Variants in FGD6 observed in about 807,000 individuals in gnomAD.
FGD6 encodes the protein FYVE, RhoGEF and PH domain-containing protein 6.
In FGD6, 90 loss-of-function variants were observed where a neutral mutation model predicts 149.4. The ratio of observed to expected loss-of-function variants is 0.60; its 90% CI spans 0.51 to 0.72. The LOEUF (loss-of-function observed/expected upper bound fraction) is 0.72, where lower values mean the gene tolerates loss of function less well. Among genes scored for constraint, FGD6 ranks in the 30% least tolerant of loss-of-function variants. FGD6 has a pLI of 0.00. For synonymous variants in FGD6, 527 were observed against 584.0 expected (o/e 0.90, Z 1.41); for missense variants, 1,437 against 1,684.8 (o/e 0.85, Z 2.57).
At chr12:95,107,119 GATAA>G (rs776530738) in intron 12 of FGD6, 82 bp from the exon 13 acceptor site, 589 of 980,832 alleles carry the variant, frequency 6.0e-4, no homozygotes, top group Non-Finnish European at 8.4e-4. Context: ...AAGATTAAAG[GATAA>G]ATAATACCTC....
chr12:95,157,395 C>T (rs544874202), intron 3 of FGD6, among the ~76,000 whole-genome samples: 36 of 151,848 alleles, frequency 2.4e-4, no homozygotes, highest in African/African-American at 7.5e-4. Flanking sequence ...GGTGAAACCC[C>T]GTCTCTACTA....
chr12:95,143,014 A>G (rs570335647), intron 5 of FGD6, among the ~76,000 whole-genome samples: 77 of 152,346 alleles, frequency 5.1e-4, no homozygotes, highest in Non-Finnish European at 9.8e-4. Context: ...GCCTCAAGAT[A>G]TAAGTAAAAC....
Position 95,079,803 on chromosome 12 carries a change from TCAAAAGGCCCC to T in FGD6, c.*1706_*1716del, listed in dbSNP as rs1460651036. On this transcript the variant is annotated 3_prime_UTR_variant, in exon 21 of 21. Transcript: ENST00000343958. ...ACTCTGGTGCTGTACCAAACAGCAT[TCAAAAGGCCCC>T]AGAAAGGCACTCAGTAATCCTCATG... 1 of 152,084 alleles carries T rather than the reference TCAAAAGGCCCC, an allele frequency of 6.6e-6. No homozygotes were observed. Among genetic ancestry groups the T allele is most frequent in the Non-Finnish European group, 1.5e-5 (1 of 68,034 alleles). The allele number at this position is 152,084 out of a possible 1,614,324, so 9.4% of individuals were successfully genotyped here.
intron 8 of FGD6, chr12:95,126,128 C>A: frequency 9.6e-7 from 1 of 1,044,056 alleles, no homozygotes; most frequent in Non-Finnish European, 1.5e-6. Flanking sequence ...ACAGAATAAT[C>A]AAGAATGAAG....
chr12:95,132,528 G>A (rs1459735357), intron 8 of FGD6, among the ~76,000 whole-genome samples: 5 of 151,932 alleles, frequency 3.3e-5, no homozygotes, highest in Admixed American at 2.0e-4. Flanking sequence ...CAAGGCAGGC[G>A]GATCACAAGG....
chr12:95,183,346 A>C (rs771531045), intron 2 of FGD6, among the ~76,000 whole-genome samples: 7 of 152,200 alleles, frequency 4.6e-5, no homozygotes, highest in Admixed American at 1.3e-4. Flanking sequence ...TCTTGTATAC[A>C]GCCTGCCTCC....
intron 8 of FGD6, among the ~76,000 whole-genome samples, chr12:95,130,698 G>A (rs556735370): frequency 2.7e-4 from 41 of 152,058 alleles, no homozygotes; most frequent in Non-Finnish European, 4.3e-4. Flanking sequence ...GGGCAACATG[G>A]GGAAACCCTG....
chr12:95,138,592 G>C (rs974820653), intron 6 of FGD6, among the ~76,000 whole-genome samples: 1 of 151,568 alleles, frequency 6.6e-6, no homozygotes, highest in African/African-American at 2.4e-5. Context: ...GCATACAAAG[G>C]CCTGCCCTTT....
intron 5 of FGD6, among the ~76,000 whole-genome samples, chr12:95,148,547 T>TAGCA (rs1880089691): frequency 1.2e-5 from 1 of 82,312 alleles, no homozygotes; most frequent in African/African-American, 3.9e-5. Context: ...ATAGCATATA[T>TAGCA]TATATTATAT....
chr12:95,180,101 G>A (rs1881239103), intron 2 of FGD6, among the ~76,000 whole-genome samples: 1 of 148,920 alleles, frequency 6.7e-6, no homozygotes, highest in Non-Finnish European at 1.5e-5. Flanking sequence ...AAAGGAGGTA[G>A]ATCTATGCAC....
intron 2 of FGD6, among the ~76,000 whole-genome samples, chr12:95,174,033 G>A (rs55851053): frequency 0.092 from 13,985 of 152,178 alleles, 847 homozygotes; most frequent in African/African-American, 0.17. Flanking sequence ...TGCTAAAGAC[G>A]GGGTTTTCCA....
Position 95,128,142 on chromosome 12 carries a change from A to C in FGD6, c.3082+6597T>G, listed in dbSNP as rs201748502. Among the ~76,000 whole-genome samples the C allele has an allele frequency of 1.1e-4, 16 of 152,342 alleles. No individual in the cohort carries two copies. The East Asian group carries it at 2.9e-3, about 28-fold the overall frequency. On this transcript the variant is annotated intron_variant, in intron 8 of 20. Coordinates refer to ENST00000343958, the MANE Select transcript of FGD6 (RefSeq NM_018351.4). ...GCACAAAAGATCCCTTCAAAGACAA[A>C]AAGTGGCCCTTACAAAAATAACACA...
chr12:95,079,051 T>A lies in FGD6; in HGVS notation c.*2469A>T, dbSNP rs1408879987. The stretch of plus-strand genomic sequence containing the variant: ...CCTCTAAAATACTAGCAAAATATAT[T>A]TTTATAGCTTTTTTTACAATAAATT... On this transcript the variant is annotated 3_prime_UTR_variant, in exon 21 of 21. Transcript: ENST00000343958. 2.0e-5 allele frequency: 3 copies of A among 152,292 alleles called. No individual in the cohort carries two copies. The highest frequency in any genetic ancestry group is 7.2e-5 in the African/African-American group (3 of 41,558). 9.4% of individuals were successfully genotyped at this position (152,292 alleles called of 1,614,324 possible). A position where few individuals can be genotyped will look rare whatever the true frequency, so the allele number is the denominator to read the frequency against.
intron 8 of FGD6, among the ~76,000 whole-genome samples, chr12:95,128,733 C>CAAGGGCCACCACTGG (rs1216059087): frequency 6.6e-6 from 1 of 152,200 alleles, no homozygotes; most frequent in Non-Finnish European, 1.5e-5. Context: ...CCCATCAGGG[C>CAAGGGCCACCACTGG]AGGGGCCACC....
rs1280941960 is a variant in FGD6 at position 95,081,017 on chromosome 12, T to C, written c.*503A>G. 1 of 152,222 alleles carries C rather than the reference T, an allele frequency of 6.6e-6. No homozygotes were observed. The highest frequency in any genetic ancestry group is 1.5e-5 in the Non-Finnish European group (1 of 68,022). The allele number at this position is 152,222 out of a possible 1,614,324, so 9.4% of individuals were successfully genotyped here. On this transcript the variant is annotated 3_prime_UTR_variant, in exon 21 of 21. Coordinates refer to ENST00000343958, the MANE Select transcript of FGD6 (RefSeq NM_018351.4). ...CTGGCCATGTTTTTCCACTAAAAGATACAAATATTCACCCAAGTTTATTGA... is the reference window on the plus strand; with the variant it reads ...CTGGCCATGTTTTTCCACTAAAAGACACAAATATTCACCCAAGTTTATTGA...
At chr12:95,182,372 T>C (rs1175240320) in intron 2 of FGD6, among the ~76,000 whole-genome samples, 4 of 152,154 alleles carry the variant, frequency 2.6e-5, no homozygotes, top group Admixed American at 2.0e-4. Flanking sequence ...GGCTAATTTT[T>C]GTATTTTTAG....
chr12:95,216,959 T>C (rs985994919), intron 1 of FGD6, among the ~76,000 whole-genome samples: 6 of 152,174 alleles, frequency 3.9e-5, no homozygotes, highest in Non-Finnish European at 7.4e-5. Flanking sequence ...CCTTCACACA[T>C]CGCATTTCAC....
In FGD6 at chr12:95,149,300, ATATAT is replaced by A. The variant is rs576300850; in HGVS notation, c.2685+3506_2685+3510del. ...TATAGCATATATAATATTATATATA[ATATAT>A]TATATTATATAGCATATATTATATA... On this transcript the variant is annotated intron_variant, in intron 5 of 20. Transcript: ENST00000343958. Among the ~76,000 whole-genome samples the A allele has an allele frequency of 6.7e-3, 417 of 62,420 alleles. 51 individuals are homozygous for A. Among genetic ancestry groups the A allele is most frequent in the Non-Finnish European group, 9.2e-3 (323 of 34,982 alleles). 40.9% of individuals were successfully genotyped at this position (62,420 alleles called of 152,430 possible).
chr12:95,129,590 A>G (rs999112322), intron 8 of FGD6, among the ~76,000 whole-genome samples: 1 of 152,220 alleles, frequency 6.6e-6, no homozygotes, highest in African/African-American at 2.4e-5. Context: ...AAGAAAACAG[A>G]TAAGTCTGTT....
Sources: gnomAD v4.1 joint callset for allele counts (sites outside exome capture counted in the v4.1 genomes callset) on GRCh38, gnomAD v4.1.1 for gene constraint, MANE v1.5 for transcripts, NCBI Gene and HGNC (gene_info 2026-07-23, HGNC 2026-07-21) for gene names.